The following CDH18 variants were observed in gnomAD, a reference collection of about 807,000 sequenced individuals.
CDH18 encodes cadherin 18, also known as cadherin-18.
In CDH18, 31 loss-of-function variants were observed where a neutral mutation model predicts 67.9. That is an observed-to-expected ratio of 0.46 (90% CI 0.34 to 0.62). The LOEUF (loss-of-function observed/expected upper bound fraction) is 0.62, where lower values mean the gene tolerates loss of function less well. Ranked by LOEUF, CDH18 falls within the 20% of genes least tolerant of loss-of-function variation. The pLI, the probability that CDH18 is intolerant of heterozygous loss-of-function variation, is 0.01. For missense variants in CDH18, 890 were observed against 975.5 expected, an observed-to-expected ratio of 0.91 and a Z score of 1.17; for synonymous variants, 362 against 347.2, an observed-to-expected ratio of 1.04 and a Z score of -0.48.
At chr5:20,403,884 A>G (rs78039048) in intron 1 of CDH18, among the ~76,000 whole-genome samples, 1 of 150,940 alleles carries the variant, frequency 6.6e-6, no homozygotes, top group African/African-American at 2.5e-5. Flanking sequence ...TTTAGATGGC[A>G]TGATGGAAGC....
chr5:20,344,381 A>G (rs6874849), intron 1 of CDH18, among the ~76,000 whole-genome samples: 2,153 of 152,254 alleles, frequency 0.014, 39 homozygotes, highest in African/African-American at 0.049. Context: ...CCCCTATGCC[A>G]AAGATAAGGG....
intron 4 of CDH18, among the ~76,000 whole-genome samples, chr5:19,724,036 C>T (rs972976938): frequency 2.0e-5 from 3 of 152,074 alleles, no homozygotes; most frequent in African/African-American, 7.2e-5. Context: ...TAAATAAAAA[C>T]TGATGTTCAC....
chr5:19,591,031 A>C (rs1292349602), intron 7 of CDH18, 26 bp downstream of exon 7: 2 of 1,470,074 alleles, frequency 1.4e-6, no homozygotes, highest in Admixed American at 2.0e-5. Flanking sequence ...GAGTTGCCTG[A>C]ATCACAAAAA....
chr5:20,325,206 C>T (rs1271138569), intron 1 of CDH18, among the ~76,000 whole-genome samples: 1 of 152,106 alleles, frequency 6.6e-6, no homozygotes, highest in Non-Finnish European at 1.5e-5. Context: ...TTTATTAAAC[C>T]AATCTTTAAT....
chr5:19,684,131 C>T (rs534003753), intron 5 of CDH18, among the ~76,000 whole-genome samples: 54 of 152,026 alleles, frequency 3.6e-4, no homozygotes, highest in Non-Finnish European at 7.1e-4. Context: ...ATTTTCCCAT[C>T]CAGCTGAGAA....
At chr5:20,012,663 T>G (rs991408794) in intron 2 of CDH18, among the ~76,000 whole-genome samples, 6 of 151,984 alleles carry the variant, frequency 3.9e-5, no homozygotes, top group Admixed American at 3.3e-4. Context: ...ATCATGCCCA[T>G]AAGTGATAGA....
chr5:19,847,589 G>A (rs1396303279), intron 2 of CDH18, among the ~76,000 whole-genome samples: 3 of 151,940 alleles, frequency 2.0e-5, no homozygotes, highest in Non-Finnish European at 2.9e-5. Flanking sequence ...TTTAGGGTTA[G>A]TATCTAGAGA....
chr5:20,005,863 T>G (rs192211992), intron 2 of CDH18, among the ~76,000 whole-genome samples: 6 of 152,050 alleles, frequency 3.9e-5, no homozygotes, highest in African/African-American at 1.4e-4. Context: ...TAACTACGTT[T>G]CATGGATTGA....
At chr5:19,717,123 G>A (rs17220911) in intron 5 of CDH18, among the ~76,000 whole-genome samples, 31,734 of 151,800 alleles carry the variant, frequency 0.21, 3,902 homozygotes, top group Non-Finnish European at 0.26. Flanking sequence ...GTTTAACTAC[G>A]ATTTTGTAAA....
chr5:20,407,257 A>G (rs933362237), intron 1 of CDH18, among the ~76,000 whole-genome samples: 3 of 152,120 alleles, frequency 2.0e-5, no homozygotes, highest in Admixed American at 2.0e-4. Context: ...AACTTCTCAG[A>G]ATGATGTGAG....
chr5:20,226,592 T>C (rs1450383300), intron 2 of CDH18, among the ~76,000 whole-genome samples: 3 of 152,114 alleles, frequency 2.0e-5, no homozygotes, highest in Non-Finnish European at 4.4e-5. Flanking sequence ...AAGCTCTGAA[T>C]ATAGGCACTC....
intron 2 of CDH18, among the ~76,000 whole-genome samples, chr5:20,035,105 G>A (rs1739735620): frequency 6.6e-6 from 1 of 151,880 alleles, no homozygotes; most frequent in African/African-American, 2.4e-5. Context: ...GTCATCCTGG[G>A]TCCTCCAGCA....
intron 1 of CDH18, among the ~76,000 whole-genome samples, chr5:20,398,898 C>T (rs13159528): frequency 1.3e-5 from 2 of 148,502 alleles, no homozygotes; most frequent in African/African-American, 2.5e-5. Context: ...CCACGGCACA[C>T]GTATACCTAC....
At position 20,207,804 on chromosome 5, in the gene CDH18, C is replaced by T. The variant is rs958640272; in HGVS notation, c.-518+47640G>A. On this transcript the variant is annotated intron_variant, in intron 2 of 14. Coordinates refer to the CDH18 transcript ENST00000507958. ...TTAATGCAATAATTATATAAGCAAA[C>T]GGAAGTAACAATCCTAAAATGTATA... Among the ~76,000 whole-genome samples, 33 of 151,888 alleles carry T rather than the reference C, an allele frequency of 2.2e-4. No homozygotes were observed. In the East Asian group the frequency reaches 2.9e-3, roughly 13 times the overall value.
At chr5:19,963,895 G>C (rs1044038759) in intron 2 of CDH18, among the ~76,000 whole-genome samples, 3 of 151,946 alleles carry the variant, frequency 2.0e-5, no homozygotes, top group Non-Finnish European at 4.4e-5. Flanking sequence ...AGAGATAAAA[G>C]AGCAAAGGGG....
At chr5:19,602,976 A>G (rs13176193) in intron 6 of CDH18, among the ~76,000 whole-genome samples, 92,646 of 150,934 alleles carry the variant, frequency 0.61, 29,429 homozygotes, top group South Asian at 0.75. Flanking sequence ...AAAAAAAAAA[A>G]TAAATAAATA....
At chr5:19,665,380 A>C (rs1329543788) in intron 5 of CDH18, among the ~76,000 whole-genome samples, 1 of 152,038 alleles carries the variant, frequency 6.6e-6, no homozygotes, top group Admixed American at 6.6e-5. Flanking sequence ...TATTAAAATT[A>C]TCAATCTATA....
intron 6 of CDH18, among the ~76,000 whole-genome samples, chr5:19,611,946 ATGCGTG>A (rs1192649919): frequency 3.5e-4 from 19 of 54,482 alleles, no homozygotes; most frequent in Non-Finnish European, 4.7e-4. Context: ...CTTTTGGATG[ATGCGTG>A]TGTGTGTGTG....
At chr5:20,128,077 G>A (rs1580305875) in intron 2 of CDH18, among the ~76,000 whole-genome samples, 2 of 151,910 alleles carry the variant, frequency 1.3e-5, no homozygotes, top group Admixed American at 6.6e-5. Flanking sequence ...TCTCCCCAGT[G>A]GGCCTCCCTA....
Sources: allele counts gnomAD v4.1 joint callset (sites outside exome capture counted in the v4.1 genomes callset), GRCh38; gene constraint gnomAD v4.1.1; transcripts MANE v1.5; gene names NCBI Gene and HGNC (gene_info 2026-07-23, HGNC 2026-07-21).